Variants in KMT2C observed in about 807,000 individuals in gnomAD.
The protein encoded by KMT2C is histone-lysine N-methyltransferase 2C.
In KMT2C, 88 loss-of-function variants were observed where a neutral mutation model predicts 507.9. The ratio of observed to expected loss-of-function variants is 0.17; its 90% confidence interval spans 0.15 to 0.21. The LOEUF is 0.21. Ranked by LOEUF, KMT2C falls within the 10% of genes least tolerant of loss-of-function variation. The probability of loss-of-function intolerance (pLI) is 1.00; values close to 1 mark genes in which losing one functional copy is unlikely to be tolerated. For missense variants in KMT2C, 4,954 were observed against 5,957.8 expected (o/e 0.83, Z 5.55); for synonymous variants, 2,049 against 2,080.8 (o/e 0.98, Z 0.42).
Position 152,187,730 on chromosome 7 carries a change from G to A in KMT2C, c.4778C>T (p.Ser1593Phe), listed in dbSNP as rs779964865. ...LGTFSAIAQSSYPDARDKNSA... is the reference protein window; with the variant it reads ...LGTFSAIAQSFYPDARDKNSA... ...AGGCTTGTACCTGGCATCAGGATAA[G>A]AGGATTGTGCAATTGCAGAGAAAGT... Residue 1593 changes from serine (S) to phenylalanine (F), a missense_variant, in exon 32 of 59, where the codon TCT (serine) becomes TTT (phenylalanine). Ser to Phe is a radical substitution (Grantham distance 155, BLOSUM62 -2). Coordinates refer to ENST00000262189, the MANE Select transcript of KMT2C (RefSeq NM_170606.3). 4 of 1,614,074 alleles carry A rather than the reference G, an allele frequency of 2.5e-6. No homozygotes were observed. Among genetic ancestry groups the A allele is most frequent in the Non-Finnish European group, 3.4e-6 (4 of 1,179,988 alleles).
intron 2 of KMT2C, among the ~76,000 whole-genome samples, chr7:152,340,131 C>T (rs960102914): frequency 2.0e-5 from 3 of 150,678 alleles, no homozygotes; most frequent in Non-Finnish European, 4.4e-5. Context: ...CTACAAGGCA[C>T]ATGCGATCAC....
At chr7:152,290,258 G>GTGTGTGTGTGTATA (rs1337492088) in intron 6 of KMT2C, among the ~76,000 whole-genome samples, 2 of 26,242 alleles carry the variant, frequency 7.6e-5, no homozygotes, top group Admixed American at 7.8e-4. Flanking sequence ...GTGTGTATGT[G>GTGTGTGTGTGTATA]TATATATATA....
intron 1 of KMT2C, chr7:152,366,931 G>A (rs989308961): frequency 8.4e-6 from 4 of 478,612 alleles, no homozygotes; most frequent in Non-Finnish European, 1.1e-5. Context: ...CCGGCGCCTG[G>A]CGGGCACGAT....
chr7:152,246,942 T>C (rs2095483008), intron 14 of KMT2C, among the ~76,000 whole-genome samples: 1 of 152,112 alleles, frequency 6.6e-6, no homozygotes, highest in African/African-American at 2.4e-5. Context: ...AATTTTCACA[T>C]TAAAAAATGA....
intron 52 of KMT2C, among the ~76,000 whole-genome samples, chr7:152,147,707 C>CAAAAAAA (rs762588729): frequency 1.2e-3 from 56 of 46,514 alleles, no homozygotes; most frequent in African/African-American, 1.9e-3. Context: ...AACTCCGTCT[C>CAAAAAAA]AAAAAAAAAA....
chr7:152,162,452 T>C lies in KMT2C; in HGVS notation c.11125A>G (p.Met3709Val), dbSNP rs762321855. The change falls in exon 43 of 59, where the codon ATG becomes GTG. Residue 3709 changes from methionine to valine, a missense_variant. Coordinates refer to ENST00000262189, the MANE Select transcript of KMT2C (RefSeq NM_170606.3). ...TCTTCTGTTTTGGCAGGGGTTTCCATGGAGAGCTTGTCTACTTCTGAATTT... is the reference window on the plus strand; with the variant it reads ...TCTTCTGTTTTGGCAGGGGTTTCCACGGAGAGCTTGTCTACTTCTGAATTT... ...YANSEVDKLS[M>V]ETPAKTEEIK... is the part of the protein sequence containing the mutation. The C allele has an allele frequency of 2.5e-6, 4 of 1,614,268 alleles. No homozygotes were observed. Among genetic ancestry groups the C allele is most frequent in the South Asian group, 1.1e-5 (1 of 91,084 alleles).
At chr7:152,342,702 G>A (rs894946454) in intron 2 of KMT2C, among the ~76,000 whole-genome samples, 13 of 152,036 alleles carry the variant, frequency 8.6e-5, no homozygotes, top group African/African-American at 2.4e-4. Flanking sequence ...CCCAGTCATC[G>A]TGGGGCCCCA....
At chr7:152,206,231 T>A (rs1349784611) in intron 24 of KMT2C, among the ~76,000 whole-genome samples, 1 of 151,984 alleles carries the variant, frequency 6.6e-6, no homozygotes, top group East Asian at 1.9e-4. Flanking sequence ...AGCAATTTAC[T>A]CCGTGACCTA....
chr7:152,225,250 CAA>C (rs1236258800), intron 18 of KMT2C, among the ~76,000 whole-genome samples: 12 of 152,078 alleles, frequency 7.9e-5, no homozygotes. Flanking sequence ...TTAAAGATCT[CAA>C]AAGACTAGGA....
rs150343411 is a variant in KMT2C at position 152,209,818 on chromosome 7, AAG to A, written c.3713-2392_3713-2391del. ...AGGCAAATTCTCAGTTGAGAGCAGA[AAG>A]AACTGAAAAAAAGAATCCAGTTTAT... is the stretch of plus-strand genomic sequence containing the variant. On this transcript the variant is annotated intron_variant, in intron 23 of 58. Coordinates refer to ENST00000262189, the MANE Select transcript of KMT2C (RefSeq NM_170606.3). 1.3e-4 allele frequency among the ~76,000 whole-genome samples: 19 copies of A among 151,544 alleles called. No homozygotes were observed. The East Asian group carries it at 1.9e-3, about 15-fold the overall frequency.
intron 38 of KMT2C, 88 bp downstream of exon 38, chr7:152,176,103 G>C (rs772951761): frequency 2.3e-6 from 3 of 1,279,758 alleles, no homozygotes; most frequent in Non-Finnish European, 3.2e-6. Context: ...TATTCCAACT[G>C]TAATTCTAAT....
intron 1 of KMT2C, among the ~76,000 whole-genome samples, chr7:152,431,809 T>C (rs1255128879): frequency 1.3e-5 from 2 of 152,262 alleles, no homozygotes; most frequent in Admixed American, 1.3e-4. Context: ...TTATTAAGAA[T>C]TGCTGTCATA....
chr7:152,213,791 G>C (rs951704271), intron 23 of KMT2C, among the ~76,000 whole-genome samples: 5 of 150,836 alleles, frequency 3.3e-5, no homozygotes, highest in African/African-American at 1.2e-4. Context: ...GGTAGCACAG[G>C]GATTAGGGGA....
Position 152,252,860 on chromosome 7 carries a change from T to C in KMT2C, c.1300-145A>G, listed in dbSNP as rs2095582706. The stretch of plus-strand genomic sequence containing the variant: ...CATGACACTAATTTAGGGTACATGC[T>C]TTTTTTTTTTGAGATGGACTCTTAC... On this transcript the variant is annotated intron_variant, in intron 9 of 58. Transcript: ENST00000262189. 8 of 272,126 alleles carry C rather than the reference T, an allele frequency of 2.9e-5. No homozygotes were observed. In the East Asian group the frequency reaches 6.8e-4, roughly 23 times the overall value. 16.9% of individuals were successfully genotyped at this position (272,126 alleles called of 1,614,324 possible).
At chr7:152,195,399 T>C (rs1362880101) in intron 28 of KMT2C, 1 of 269,402 alleles carries the variant, frequency 3.7e-6, no homozygotes, top group Non-Finnish European at 5.7e-6. Flanking sequence ...AAGCAAAGTA[T>C]GGATTAGTGA....
chr7:152,137,160 G>A, intron 58 of KMT2C: 1 of 464,772 alleles, frequency 2.2e-6, no homozygotes, highest in Non-Finnish European at 3.9e-6. Context: ...ACGGGAGCCT[G>A]ACCAGAGAAA....
Position 152,177,568 on chromosome 7 carries a change from G to A in KMT2C, c.7885C>T (p.Pro2629Ser), listed in dbSNP as rs2129115019. 3.1e-6 allele frequency: 5 copies of A among 1,614,182 alleles called. No individual in the cohort carries two copies. In the South Asian group the frequency reaches 3.3e-5, roughly 11 times the overall value. Residue 2629 changes from proline (P) to serine (S), a missense_variant, in exon 38 of 59, where the codon CCA (proline) becomes TCA (serine). Pro to Ser is a moderately conservative substitution (Grantham distance 74). This residue lies in a region of KMT2C where 1,689 missense variants were observed against 1,654.3 expected (regional missense o/e 1.02). Coordinates refer to ENST00000262189, the MANE Select transcript of KMT2C (RefSeq NM_170606.3). ...LPVHPDLEQVPPSQQEQGHSV... is the reference protein window; with the variant it reads ...LPVHPDLEQVSPSQQEQGHSV... ...TGACCTTGCTCTTGTTGAGATGGTG[G>A]CACTTGTTCCAAATCTGGGTGCACA...
intron 14 of KMT2C, among the ~76,000 whole-genome samples, chr7:152,240,473 G>A (rs375881447): frequency 2.3e-3 from 301 of 133,440 alleles, no homozygotes; most frequent in African/African-American, 4.0e-3. Flanking sequence ...ATCCTAAATG[G>A]TATTATCTAC....
intron 1 of KMT2C, among the ~76,000 whole-genome samples, chr7:152,392,306 CTTCT>C (rs1207148119): frequency 1.3e-5 from 2 of 152,304 alleles, no homozygotes; most frequent in East Asian, 1.9e-4. Flanking sequence ...CATACTACTA[CTTCT>C]TTATTTTTCA....
Sources: gnomAD v4.1 joint callset for allele counts (sites outside exome capture counted in the v4.1 genomes callset) on GRCh38, gnomAD v4.1.1 for gene constraint, gnomAD v4.1.1 regional missense constraint, MANE v1.5 for transcripts, NCBI Gene and HGNC (gene_info 2026-07-23, HGNC 2026-07-21) for gene names.